The following FAM163B variants were observed in gnomAD, a reference collection of about 807,000 sequenced individuals.
FAM163B encodes protein FAM163B.
Under a neutral mutation model 7.6 loss-of-function variants are expected in FAM163B, and 4 were observed. The ratio of observed to expected loss-of-function variants is 0.52; its 90% CI spans 0.26 to 1.20. FAM163B has a LOEUF of 1.20. FAM163B is among the 50% of genes most tolerant of loss of function. The probability of loss-of-function intolerance (pLI) is 0.14; values close to 1 mark genes in which losing one functional copy is unlikely to be tolerated. For missense variants in FAM163B, 250 were observed against 243.0 expected (o/e 1.03, Z -0.19); for synonymous variants, 120 against 111.6 (o/e 1.07, Z -0.47).
chr9:133,588,635 G>A lies in FAM163B; in HGVS notation c.-23-8389C>T, dbSNP rs372810938. The stretch of plus-strand genomic sequence containing the variant: ...TGCTGAAGGATCTAGCATGTTGAGG[G>A]ATCTAGCAGGTTGAAGGATCTAGCA... On this transcript the variant is annotated intron_variant, in intron 1 of 2. Transcript: ENST00000673969. Among the ~76,000 whole-genome samples, 135 of 149,498 alleles carry A rather than the reference G, an allele frequency of 9.0e-4. 1 individual carries two copies. Among genetic ancestry groups the A allele is most frequent in the South Asian group, 2.0e-3 (9 of 4,614 alleles).
intron 2 of FAM163B, 67 bp downstream of exon 2, chr9:133,580,064 C>T (rs1380287081): frequency 7.2e-7 from 1 of 1,386,864 alleles, no homozygotes; most frequent in Non-Finnish European, 1.0e-6. Context: ...AGGCGGGGCT[C>T]CCTCCCGAGG....
intron 1 of FAM163B, among the ~76,000 whole-genome samples, chr9:133,605,224 C>T (rs879455079): frequency 6.6e-5 from 10 of 152,208 alleles, no homozygotes; most frequent in Admixed American, 5.9e-4. Flanking sequence ...GCTGGCACAT[C>T]AGAGGCGGAT....
chr9:133,604,294 TA>T (rs1356681198), intron 1 of FAM163B, among the ~76,000 whole-genome samples: 2 of 152,066 alleles, frequency 1.3e-5, no homozygotes, highest in Non-Finnish European at 2.9e-5. Flanking sequence ...TGGGTCCAGG[TA>T]AATCAATGAC....
Position 133,578,803 on chromosome 9 carries a change from G to T in FAM163B, c.*219C>A. On this transcript the variant is annotated 3_prime_UTR_variant, in exon 3 of 3. Coordinates refer to ENST00000673969, the MANE Select transcript of FAM163B (RefSeq NM_001080515.3). Reference sequence around the variant, plus strand: ...GGTCACCTGGTCCTTCTAGCCCCAGGCCCCAGCTGTGCCTCCCCCCAGGAC... The same window carrying T: ...GGTCACCTGGTCCTTCTAGCCCCAGTCCCCAGCTGTGCCTCCCCCCAGGAC... The T allele has an allele frequency of 1.2e-6, 1 of 824,904 alleles. No homozygotes were observed. Among genetic ancestry groups the T allele is most frequent in the East Asian group, 2.9e-5 (1 of 34,522 alleles). 51.1% of individuals were successfully genotyped at this position (824,904 alleles called of 1,614,324 possible).
rs951543434 is a variant in FAM163B, at chr9:133,609,252, C to A, written c.-199G>T. 2.0e-5 allele frequency among the ~76,000 whole-genome samples: 3 copies of A among 150,858 alleles called. No homozygotes were observed. The highest frequency in any genetic ancestry group is 4.4e-5 in the Non-Finnish European group (3 of 67,528). On this transcript the variant is annotated 5_prime_UTR_variant, in exon 1 of 3. Transcript: ENST00000673969. ...GGCGGGCGCTGAGAAGCCCGGGAGG[C>A]CCCCGGGGAGGCGACTGCGTGCCCA...
chr9:133,579,080 C>A lies in FAM163B; in HGVS notation c.443G>T (p.Arg148Leu), dbSNP rs532154002. Residue 148 changes from arginine to leucine, a missense_variant, in exon 3 of 3, where the codon CGC becomes CTC. Coordinates refer to ENST00000673969, the MANE Select transcript of FAM163B (RefSeq NM_001080515.3). The stretch of plus-strand genomic sequence containing the variant: ...GAAGGCCTCCCGCATGGCTGAGAGG[C>A]GGTTGGGGTTGAGCGCCTGCAGGCC... ...FGGLQALNPN[R>L]LSAMREAFAR... 1.3e-5 allele frequency: 21 copies of A among 1,588,342 alleles called. No homozygotes were observed. The highest frequency in any genetic ancestry group is 1.7e-5 in the Admixed American group (1 of 58,166).
intron 1 of FAM163B, among the ~76,000 whole-genome samples, chr9:133,590,546 C>T (rs992647193): frequency 1.3e-5 from 2 of 152,352 alleles, no homozygotes; most frequent in Admixed American, 6.5e-5. Flanking sequence ...GCTTGATGCA[C>T]TTCCAGGCCT....
At chr9:133,603,124 T>C (rs985778522) in intron 1 of FAM163B, among the ~76,000 whole-genome samples, 9 of 152,204 alleles carry the variant, frequency 5.9e-5, no homozygotes, top group African/African-American at 2.2e-4. Context: ...AGTTCCCTAA[T>C]GAATCAAGTG....
At position 133,600,740 on chromosome 9, in the gene FAM163B, C is replaced by T. The variant is rs1166531393; in HGVS notation, c.-24+8337G>A. ...TTAGAGTCTTAAAAATCAGAACATG[C>T]AACCAGTGGCTGCTCAGAATCTGAG... is the stretch of plus-strand genomic sequence containing the variant. On this transcript the variant is annotated intron_variant, in intron 1 of 2. Coordinates refer to ENST00000673969, the MANE Select transcript of FAM163B (RefSeq NM_001080515.3). This position sits in a 1 kb window ranked among gnomAD's most constrained non-coding sequence, Gnocchi z 4.9. Among the ~76,000 whole-genome samples, 3 of 152,122 alleles carry T rather than the reference C, an allele frequency of 2.0e-5. No individual in the cohort carries two copies. In the East Asian group the frequency reaches 5.8e-4, roughly 29 times the overall value.
At chr9:133,586,915 G>A (rs923622522) in intron 1 of FAM163B, among the ~76,000 whole-genome samples, 8 of 152,164 alleles carry the variant, frequency 5.3e-5, no homozygotes, top group African/African-American at 4.8e-5. Flanking sequence ...CAGCGTAGGC[G>A]GCTTTCCCAG....
intron 1 of FAM163B, among the ~76,000 whole-genome samples, chr9:133,607,411 G>A (rs1213453745): frequency 6.6e-6 from 1 of 152,186 alleles, no homozygotes; most frequent in Non-Finnish European, 1.5e-5. Flanking sequence ...GGAGCTCTGT[G>A]GGGCTCCTTG....
intron 1 of FAM163B, among the ~76,000 whole-genome samples, chr9:133,583,928 G>A (rs1322763643): frequency 6.6e-6 from 1 of 152,118 alleles, no homozygotes; most frequent in African/African-American, 2.4e-5. Context: ...CTCCACCAGC[G>A]CCCAGCCTGA....
chr9:133,588,694 A>G (rs375016712), intron 1 of FAM163B, among the ~76,000 whole-genome samples: 1 of 676 alleles, frequency 1.5e-3, no homozygotes. Flanking sequence ...GAGATCTAGC[A>G]TGCTGAGGGA....
intron 1 of FAM163B, among the ~76,000 whole-genome samples, chr9:133,594,683 G>A (rs1831605007): frequency 6.6e-6 from 1 of 152,180 alleles, no homozygotes; most frequent in Non-Finnish European, 1.5e-5. Flanking sequence ...TTTCAGTCCT[G>A]TGGGGGGACA....
chr9:133,608,827 C>A lies in FAM163B; in HGVS notation c.-24+250G>T, dbSNP rs536319457. Reference sequence around the variant, plus strand: ...CTGTTCCGAGGGAAATGAAGCCCCCCTTCCTAAAGTGGGTCCCCCACCTCT... The same window carrying A: ...CTGTTCCGAGGGAAATGAAGCCCCCATTCCTAAAGTGGGTCCCCCACCTCT... On this transcript the variant is annotated intron_variant, in intron 1 of 2. Transcript: ENST00000673969. Among the ~76,000 whole-genome samples the A allele has an allele frequency of 2.6e-5, 4 of 152,362 alleles. No individual in the cohort carries two copies. The East Asian group carries it at 7.7e-4, about 29-fold the overall frequency.
intron 1 of FAM163B, among the ~76,000 whole-genome samples, chr9:133,583,621 G>T (rs17136253): frequency 6.6e-6 from 1 of 152,202 alleles, no homozygotes; most frequent in African/African-American, 2.4e-5. Flanking sequence ...GGCCCCGCTC[G>T]CCGCAAAGCT....
Position 133,609,330 on chromosome 9 carries a change from C to A in FAM163B, c.-277G>T, listed in dbSNP as rs1282382123. ...GCGGCCGCGACTCCGGACGCCCCGG[C>A]TGGCTCCCTGCGAGCTGCACGCGCG... On this transcript the variant is annotated 5_prime_UTR_variant, in exon 1 of 3. Transcript: ENST00000673969. Among the ~76,000 whole-genome samples, 3 of 149,612 alleles carry A rather than the reference C, an allele frequency of 2.0e-5. No homozygotes were observed. The highest frequency in any genetic ancestry group is 7.3e-5 in the African/African-American group (3 of 41,174).
intron 1 of FAM163B, among the ~76,000 whole-genome samples, chr9:133,581,972 C>T (rs1831363090): frequency 6.6e-6 from 1 of 152,184 alleles, no homozygotes; most frequent in African/African-American, 2.4e-5. Flanking sequence ...AAATGTTATC[C>T]TTCTTTCCAC....
chr9:133,579,388 C>T lies in FAM163B; in HGVS notation c.135G>A (p.Glu45=). 6.2e-7 allele frequency: 1 copy of T among 1,609,738 alleles called. No homozygotes were observed. The highest frequency in any genetic ancestry group is 8.5e-7 in the Non-Finnish European group (1 of 1,178,618). ...GCGAGTGAACGGCGAAGTCTGGTTC[C>T]TCCTCGTCCTCCTCCGACTCGTCCT... is the stretch of plus-strand genomic sequence containing the variant. ...CKKDESEEDE[E]EPDFAVHSHL... is the part of the protein sequence containing the mutation. The change falls in exon 3 of 3, where the codon GAG becomes GAA. Residue 45 remains glutamate (E), a synonymous_variant. Transcript: ENST00000673969.
Sources: allele counts gnomAD v4.1 joint callset (sites outside exome capture counted in the v4.1 genomes callset), GRCh38; gene constraint gnomAD v4.1.1; non-coding constraint Gnocchi (gnomAD v3.1); transcripts MANE v1.5; gene names NCBI Gene and HGNC (gene_info 2026-07-23, HGNC 2026-07-21).